MARCO: variants seen among roughly 807,000 people sequenced by gnomAD.
The protein encoded by MARCO is macrophage receptor with collagenous structure.
Under a neutral mutation model 70.0 loss-of-function variants are expected in MARCO, and 72 were observed. The observed-to-expected ratio is 1.03, with a 90% confidence interval of 0.85 to 1.25. The LOEUF (loss-of-function observed/expected upper bound fraction) is 1.25, where lower values mean the gene tolerates loss of function less well. Ranked by LOEUF, MARCO falls within the 50% of genes most tolerant of loss-of-function variation. The probability of loss-of-function intolerance (pLI) is 0.00; values close to 1 mark genes in which losing one functional copy is unlikely to be tolerated. For missense variants in MARCO, 696 were observed against 659.3 expected (o/e 1.06, Z -0.61); for synonymous variants, 273 against 243.1 (o/e 1.12, Z -1.14).
chr2:118,968,231 A>G (rs1306626472), intron 1 of MARCO, among the ~76,000 whole-genome samples: 2 of 152,342 alleles, frequency 1.3e-5, no homozygotes, highest in African/African-American at 4.8e-5. Context: ...GAAAGACTAG[A>G]GTCAGGACTT....
intron 12 of MARCO, among the ~76,000 whole-genome samples, chr2:118,986,680 A>G (rs866436142): frequency 0.047 from 2,302 of 49,264 alleles, 59 homozygotes; most frequent in Middle Eastern, 0.093. Context: ...AAGGAAAGAA[A>G]GAAAGAAAGA....
rs145642516 is a variant in MARCO, at chr2:118,981,077, T to C, written c.767-332T>C. On this transcript the variant is annotated intron_variant, in intron 8 of 16. Transcript: ENST00000327097. ...CTCAGGTTTCAATTTTTGAAGTGAA[T>C]TCAAATAATTGCCAAAATGCAGACA... 2.8e-3 allele frequency among the ~76,000 whole-genome samples: 432 copies of C among 152,288 alleles called. 2 individuals carry two copies. Among genetic ancestry groups the C allele is most frequent in the African/African-American group, 9.6e-3 (398 of 41,550 alleles).
At chr2:118,954,757 C>T (rs955630774) in intron 1 of MARCO, among the ~76,000 whole-genome samples, 1 of 152,148 alleles carries the variant, frequency 6.6e-6, no homozygotes, top group Non-Finnish European at 1.5e-5. Flanking sequence ...GTGCAGACAA[C>T]CCCCAGTACC....
chr2:118,982,301 A>G (rs750064958), intron 11 of MARCO, 47 bp downstream of exon 11: 22 of 1,610,880 alleles, frequency 1.4e-5, no homozygotes, highest in Non-Finnish European at 1.9e-5. Flanking sequence ...ATGTGTGAAA[A>G]CCTGCCTAGT....
intron 12 of MARCO, among the ~76,000 whole-genome samples, chr2:118,988,024 G>A (rs578011638): frequency 6.6e-6 from 1 of 152,326 alleles, no homozygotes; most frequent in Non-Finnish European, 1.5e-5. Flanking sequence ...ACTCTTATGT[G>A]ACCTTGAATT....
At chr2:118,986,652 A>AGAAGGAAGGAAG (rs199975278) in intron 12 of MARCO, among the ~76,000 whole-genome samples, 4 of 48,436 alleles carry the variant, frequency 8.3e-5, no homozygotes, top group African/African-American at 4.7e-4. Context: ...AAAGAAAGAA[A>AGAAGGAAGGAAG]GAAGGAAGGA....
chr2:118,989,337 C>T (rs1680579258), intron 12 of MARCO, among the ~76,000 whole-genome samples: 1 of 152,124 alleles, frequency 6.6e-6, no homozygotes, highest in African/African-American at 2.4e-5. Context: ...AAACCTATCC[C>T]AACCTCAGTT....
chr2:118,950,684 T>C (rs1403406999), intron 1 of MARCO, among the ~76,000 whole-genome samples: 3 of 152,248 alleles, frequency 2.0e-5, no homozygotes, highest in Non-Finnish European at 2.9e-5. Context: ...TTCTTCGACA[T>C]GCCTCAACTT....
At position 118,991,961 on chromosome 2, in the gene MARCO, T is replaced by C. The variant is rs535478630; in HGVS notation, c.1207+86T>C. On this transcript the variant is annotated intron_variant, in intron 14 of 16. Transcript: ENST00000327097. ...CCTTAAAATAGGAAAGGCGCTGTTT[T>C]AAGAGTTCTGGGGATTTTCAGAACC... 3.9e-5 allele frequency: 38 copies of C among 979,314 alleles called. No individual in the cohort carries two copies. In the South Asian group the frequency reaches 5.0e-4, roughly 13 times the overall value. The allele number at this position is 979,314 out of a possible 1,614,324, so 60.7% of individuals were successfully genotyped here. A position where few individuals can be genotyped will look rare whatever the true frequency, so the allele number is the denominator to read the frequency against.
chr2:118,945,935 A>G (rs1435707800), intron 1 of MARCO, among the ~76,000 whole-genome samples: 1 of 152,130 alleles, frequency 6.6e-6, no homozygotes, highest in Non-Finnish European at 1.5e-5. Context: ...ACCTTCAACA[A>G]AACCCAAACC....
At chr2:118,986,652 A>AGAAAGAAAGAAAGAAAGAAAGAAAGAAG (rs1558671615) in intron 12 of MARCO, among the ~76,000 whole-genome samples, 6 of 48,430 alleles carry the variant, frequency 1.2e-4, no homozygotes, top group Admixed American at 5.1e-4. Flanking sequence ...AAAGAAAGAA[A>AGAAAGAAAGAAAGAAAGAAAGAAAGAAG]GAAGGAAGGA....
At chr2:118,982,105 C>A in intron 10 of MARCO, 51 bp from the exon 11 acceptor site, 2 of 1,366,306 alleles carry the variant, frequency 1.5e-6, no homozygotes, top group Non-Finnish European at 2.0e-6. Context: ...GTTGGGGTAT[C>A]TGGGCCCTCT....
At position 118,981,715 on chromosome 2, in the gene MARCO, G is replaced by A. The variant is rs113034988; in HGVS notation, c.901+59G>A. On this transcript the variant is annotated intron_variant, in intron 10 of 16. Coordinates refer to ENST00000327097, the MANE Select transcript of MARCO (RefSeq NM_006770.4). ...CTACGACTGTCCCTGGCAGAGTGAA[G>A]CTGGGGACCAGACACCACCATCTTT... is the stretch of plus-strand genomic sequence containing the variant. The A allele has an allele frequency of 3.2e-4, 477 of 1,513,094 alleles. 3 individuals carry two copies. The African/African-American group carries it at 4.6e-3, about 15-fold the overall frequency. 93.7% of individuals were successfully genotyped at this position (1,513,094 alleles called of 1,614,324 possible).
Position 118,981,409 on chromosome 2 carries a change from G to A in MARCO, c.767G>A (p.Gly256Glu), listed in dbSNP as rs775182722. 5 of 1,599,434 alleles carry A rather than the reference G, an allele frequency of 3.1e-6. No individual in the cohort carries two copies. In the Admixed American group the frequency reaches 7.2e-5, roughly 23 times the overall value. ...KGEKGDLGLP[G>E]SKGDRGMKGD... The stretch of plus-strand genomic sequence containing the variant: ...TAACCAAGACTTTTTGGTTTTTCAG[G>A]AAGCAAAGGGGACAGGGGCATGAAA... The change falls in exon 9 of 17, where the codon GGA (glycine) becomes GAA (glutamate). Residue 256 changes from glycine to glutamate, a missense_variant and splice_region_variant. Physicochemically the swap from Gly to Glu is moderately conservative, Grantham distance 98. Around this residue, in one of 3 missense-constraint regions of MARCO, gnomAD observed 605 missense variants for 537.6 expected, o/e 1.13. Coordinates refer to ENST00000327097, the MANE Select transcript of MARCO (RefSeq NM_006770.4).
rs543760528 is a variant in MARCO at position 118,983,370 on chromosome 2, A to C, written c.1063+960A>C. The stretch of plus-strand genomic sequence containing the variant: ...CTCCACAGCTCTAATCAATTGATTG[A>C]TTCATTCATCACCACCTCCTGGCAA... On this transcript the variant is annotated intron_variant, in intron 12 of 16. Transcript: ENST00000327097. Among the ~76,000 whole-genome samples, 122 of 152,308 alleles carry C rather than the reference A, an allele frequency of 8.0e-4. No individual in the cohort carries two copies. In the Middle Eastern group the frequency reaches 0.01, roughly 13 times the overall value.
At chr2:118,980,093 T>C (rs917179251) in intron 8 of MARCO, among the ~76,000 whole-genome samples, 1 of 152,222 alleles carries the variant, frequency 6.6e-6, no homozygotes, top group African/African-American at 2.4e-5. Flanking sequence ...CAGACCATTC[T>C]GAAGAAACTT....
At chr2:118,992,064 G>C (rs1027251814) in intron 14 of MARCO, among the ~76,000 whole-genome samples, 189 bp downstream of exon 14, 39 of 152,198 alleles carry the variant, frequency 2.6e-4, no homozygotes, top group African/African-American at 8.0e-4. Context: ...ACACAGCAGC[G>C]GGTTAGGCGC....
intron 6 of MARCO, among the ~76,000 whole-genome samples, chr2:118,975,687 C>A (rs1465055384): frequency 1.3e-5 from 2 of 152,054 alleles, no homozygotes; most frequent in Non-Finnish European, 2.9e-5. Context: ...TACTTGCATT[C>A]TCACACTCAC....
In MARCO at chr2:118,942,264, C is replaced by T; in HGVS notation, c.-37C>T. The T allele has an allele frequency of 7.0e-7, 1 of 1,421,348 alleles. No individual in the cohort carries two copies. The highest frequency in any genetic ancestry group is 9.9e-7 in the Non-Finnish European group (1 of 1,006,362). The allele number at this position is 1,421,348 out of a possible 1,614,324, so 88.0% of individuals were successfully genotyped here. On this transcript the variant is annotated 5_prime_UTR_variant, in exon 1 of 17. Transcript: ENST00000327097. ...GTTCCTCTTGAGGGGAGCATTTCTG[C>T]TGGCTCCAGGACTTTGGCCATCTAT...
Sources: allele counts gnomAD v4.1 joint callset (sites outside exome capture counted in the v4.1 genomes callset), GRCh38; gene constraint gnomAD v4.1.1; regional missense constraint gnomAD v4.1.1; transcripts MANE v1.5; gene names NCBI Gene and HGNC (gene_info 2026-07-23, HGNC 2026-07-21).